Variants in MYO3A observed in about 807,000 individuals in gnomAD.
MYO3A encodes myosin IIIA, also known as myosin-IIIa.
MYO3A carries 180 observed loss-of-function variants against 192.7 expected under a neutral mutation model. That is an observed-to-expected ratio of 0.93 (90% CI 0.83 to 1.06). The LOEUF is 1.06. MYO3A is among the 50% of genes least tolerant of loss of function. The pLI, the probability that MYO3A is intolerant of heterozygous loss-of-function variation, is 0.00. For synonymous variants in MYO3A, 628 were observed against 645.3 expected, an observed-to-expected ratio of 0.97 and a Z score of 0.41; for missense variants, 1,896 against 1,905.0, an observed-to-expected ratio of 1.00 and a Z score of 0.09.
intron 6 of MYO3A, among the ~76,000 whole-genome samples, chr10:26,008,517 G>GAACTCA (rs1211405108): frequency 8.6e-5 from 12 of 139,890 alleles, no homozygotes; most frequent in East Asian, 3.9e-4. Context: ...AATCTACAAT[G>GAACTCA]AACAAATTTA....
At chr10:25,967,422 A>G (rs141703548) in intron 4 of MYO3A, among the ~76,000 whole-genome samples, 2 of 152,344 alleles carry the variant, frequency 1.3e-5, no homozygotes, top group East Asian at 3.9e-4. Context: ...AACTAGCCCT[A>G]GAATAAGAGC....
Position 26,000,143 on chromosome 10 carries a change from C to T in MYO3A, c.508+2885C>T, listed in dbSNP as rs143584453. ...GGGAAGGCTTTTCCTTATGATCCTC[C>T]GTGCTGGAACAGAGTAAGCAACTAA... is the stretch of plus-strand genomic sequence containing the variant. On this transcript the variant is annotated intron_variant, in intron 6 of 34. Transcript: ENST00000642920. 2.7e-3 allele frequency among the ~76,000 whole-genome samples: 416 copies of T among 152,264 alleles called. 2 individuals are homozygous for T. Among genetic ancestry groups the T allele is most frequent in the African/African-American group, 9.6e-3 (398 of 41,538 alleles).
intron 6 of MYO3A, 52 bp downstream of exon 6, chr10:25,997,310 A>G: frequency 7.6e-7 from 1 of 1,313,228 alleles, no homozygotes; most frequent in Non-Finnish European, 1.1e-6. Context: ...AACTAGTATG[A>G]TATGATTTGA....
chr10:25,966,244 C>T (rs1362806305), intron 4 of MYO3A, among the ~76,000 whole-genome samples: 2 of 152,052 alleles, frequency 1.3e-5, no homozygotes, highest in Non-Finnish European at 2.9e-5. Flanking sequence ...CATTTTATTA[C>T]GTGTGTGCGT....
chr10:26,120,566 A>T, intron 17 of MYO3A, 110 bp from the exon 18 acceptor site: 1 of 1,397,398 alleles, frequency 7.2e-7, no homozygotes, highest in South Asian at 1.2e-5. Flanking sequence ...TAGTCTGTGG[A>T]TAGATATGAA....
chr10:26,158,791 G>A (rs1042781369), intron 26 of MYO3A, among the ~76,000 whole-genome samples: 160 of 152,082 alleles, frequency 1.1e-3, no homozygotes, highest in African/African-American at 3.7e-3. Context: ...GTGAAACCCA[G>A]TATTTGAGGA....
intron 17 of MYO3A, among the ~76,000 whole-genome samples, chr10:26,105,382 T>A (rs2131610410): frequency 6.6e-6 from 1 of 152,262 alleles, no homozygotes; most frequent in South Asian, 2.1e-4. Context: ...GTGTTGTGGC[T>A]TTTTAAATAT....
At chr10:26,047,956 C>T (rs1588856331) in intron 10 of MYO3A, among the ~76,000 whole-genome samples, 1 of 151,804 alleles carries the variant, frequency 6.6e-6, no homozygotes, top group Non-Finnish European at 1.5e-5. Context: ...TCCCTGGGTG[C>T]CTTCACATTT....
In MYO3A at chr10:26,088,418, C is replaced by T. The variant is rs371977805; in HGVS notation, c.1562+13C>T. Reference sequence around the variant, plus strand: ...TCCACCAAGCTATGTAAGTTTATTTCAAATCTCTCCTATTTTGGAGGAAGC... The same window carrying T: ...TCCACCAAGCTATGTAAGTTTATTTTAAATCTCTCCTATTTTGGAGGAAGC... On this transcript the variant is annotated intron_variant, in intron 15 of 34. Coordinates refer to ENST00000642920, the MANE Select transcript of MYO3A (RefSeq NM_017433.5). 4.4e-5 allele frequency: 70 copies of T among 1,605,388 alleles called. No individual in the cohort carries two copies. The African/African-American group carries it at 8.6e-4, about 20-fold the overall frequency.
At chr10:25,963,272 C>T (rs1482652886) in intron 4 of MYO3A, among the ~76,000 whole-genome samples, 1 of 152,162 alleles carries the variant, frequency 6.6e-6, no homozygotes, top group African/African-American at 2.4e-5. Flanking sequence ...CTCAAATGCA[C>T]ATTTTCGGTC....
At chr10:26,120,194 T>TAAA (rs1284379944) in intron 17 of MYO3A, among the ~76,000 whole-genome samples, 1 of 151,996 alleles carries the variant, frequency 6.6e-6, no homozygotes, top group Non-Finnish European at 1.5e-5. Context: ...ACGCTTACAT[T>TAAA]TAAACGACAC....
intron 10 of MYO3A, among the ~76,000 whole-genome samples, chr10:26,052,830 G>GA (rs35271857): frequency 0.16 from 24,670 of 150,098 alleles, 2,285 homozygotes; most frequent in Non-Finnish European, 0.21. Context: ...AACAATAGTT[G>GA]TTTTTTTTTC....
intron 31 of MYO3A, among the ~76,000 whole-genome samples, chr10:26,186,568 T>C (rs148782117): frequency 4.5e-4 from 69 of 152,244 alleles, no homozygotes; most frequent in Middle Eastern, 3.4e-3. Context: ...GCCCAGCCAA[T>C]ATTCTTCTTT....
intron 1 of MYO3A, among the ~76,000 whole-genome samples, chr10:25,935,156 T>C (rs1835969110): frequency 6.6e-6 from 1 of 152,114 alleles, no homozygotes; most frequent in African/African-American, 2.4e-5. Context: ...AATGCATCCG[T>C]AAAGGAGTTT....
chr10:25,962,504 T>G (rs1463429500), intron 4 of MYO3A, among the ~76,000 whole-genome samples: 2 of 152,204 alleles, frequency 1.3e-5, no homozygotes, highest in Non-Finnish European at 2.9e-5. Flanking sequence ...TATTTTAGGT[T>G]TTCCTAATGA....
intron 10 of MYO3A, among the ~76,000 whole-genome samples, chr10:26,035,874 T>TA (rs1588832216): frequency 6.6e-6 from 1 of 152,302 alleles, no homozygotes; most frequent in East Asian, 1.9e-4. Flanking sequence ...ATACTGCAGT[T>TA]AGAGTTTGCA....
chr10:26,019,384 G>C (rs913291359), intron 7 of MYO3A, among the ~76,000 whole-genome samples: 2 of 151,892 alleles, frequency 1.3e-5, no homozygotes, highest in Non-Finnish European at 1.5e-5. Flanking sequence ...TCAGCCTCCC[G>C]AGTAGCTGGG....
At chr10:26,183,528 AAAT>A (rs1353698938) in intron 31 of MYO3A, among the ~76,000 whole-genome samples, 3 of 152,070 alleles carry the variant, frequency 2.0e-5, no homozygotes, top group Non-Finnish European at 2.9e-5. Flanking sequence ...GTCTCAAAAA[AAAT>A]AATAATAAAA....
At chr10:26,052,173 A>T (rs924148133) in intron 10 of MYO3A, among the ~76,000 whole-genome samples, 1 of 152,214 alleles carries the variant, frequency 6.6e-6, no homozygotes. Context: ...TGGGTACACA[A>T]GTACATACAT....
Sources: allele counts gnomAD v4.1 joint callset (sites outside exome capture counted in the v4.1 genomes callset), GRCh38; gene constraint gnomAD v4.1.1; transcripts MANE v1.5; gene names NCBI Gene and HGNC (gene_info 2026-07-23, HGNC 2026-07-21).